Variants in TRAPPC8 observed in about 807,000 individuals in gnomAD.
TRAPPC8 encodes the protein trafficking protein particle complex subunit 8.
TRAPPC8 carries 54 observed loss-of-function variants against 174.3 expected under a neutral mutation model. The observed-to-expected ratio is 0.31, with a 90% CI of 0.25 to 0.39. The LOEUF (loss-of-function observed/expected upper bound fraction) is 0.39. TRAPPC8 is among the 10% of genes least tolerant of loss of function. The pLI, the probability that TRAPPC8 is intolerant of heterozygous loss-of-function variation, is 1.00. For missense variants in TRAPPC8, 1,531 were observed against 1,699.1 expected (o/e 0.90, Z 1.74); for synonymous variants, 630 against 579.9 (o/e 1.09, Z -1.24).
At chr18:31,849,395 T>G (rs1179487388) in intron 25 of TRAPPC8, among the ~76,000 whole-genome samples, 171 bp downstream of exon 25, 2 of 152,114 alleles carry the variant, frequency 1.3e-5, no homozygotes, top group African/African-American at 4.8e-5. Context: ...GTTATCTAAT[T>G]TGAATGAATT....
rs1568051725 is a variant in TRAPPC8, at chr18:31,857,563, A to G, written c.3165T>C (p.Ser1055=). 6.3e-7 allele frequency: 1 copy of G among 1,596,254 alleles called. No homozygotes were observed. Among genetic ancestry groups the G allele is most frequent in the East Asian group, 2.2e-5 (1 of 44,712 alleles). The change falls in exon 20 of 29, where the codon AGT becomes AGC. Residue 1055 remains serine, a synonymous_variant. Transcript: ENST00000283351. The part of the protein sequence containing the change: ...HEINFLFYYE[S]VKKQPKIRHR... ...ACCGTATTTTTGGCTGCTTTTTGAC[A>G]CTTTCATAGTAAAACAAAAAGTTAA...
chr18:31,933,668 AT>A (rs1943836886), intron 1 of TRAPPC8, among the ~76,000 whole-genome samples: 1 of 152,194 alleles, frequency 6.6e-6, no homozygotes, highest in African/African-American at 2.4e-5. Flanking sequence ...GTACCTACAA[AT>A]AAAGAATGAC....
chr18:31,892,804 G>A (rs1302749453), intron 11 of TRAPPC8, among the ~76,000 whole-genome samples: 1 of 151,952 alleles, frequency 6.6e-6, no homozygotes, highest in Non-Finnish European at 1.5e-5. Flanking sequence ...GTGGGGGATC[G>A]TTTTGAGCCA....
At chr18:31,899,628 G>GT (rs1489407979) in intron 10 of TRAPPC8, among the ~76,000 whole-genome samples, 2 of 152,124 alleles carry the variant, frequency 1.3e-5, no homozygotes, top group Admixed American at 1.3e-4. Context: ...TTACTACTAC[G>GT]TAAGTCTTCA....
At chr18:31,897,305 G>A (rs1320599851) in intron 11 of TRAPPC8, among the ~76,000 whole-genome samples, 1 of 151,978 alleles carries the variant, frequency 6.6e-6, no homozygotes, top group East Asian at 1.9e-4. Context: ...TCACAATATA[G>A]GTTTTTTAAA....
chr18:31,911,037 T>C (rs889293484), intron 5 of TRAPPC8, among the ~76,000 whole-genome samples: 3 of 152,188 alleles, frequency 2.0e-5, no homozygotes, highest in East Asian at 1.9e-4. Context: ...AATACCATGA[T>C]AGCACTACAT....
At chr18:31,847,517 T>G (rs534691128) in intron 25 of TRAPPC8, among the ~76,000 whole-genome samples, 1 of 152,322 alleles carries the variant, frequency 6.6e-6, no homozygotes, top group Non-Finnish European at 1.5e-5. Flanking sequence ...AAACATAAAA[T>G]TACTCAGTCA....
chr18:31,915,170 T>G (rs1360971003), intron 4 of TRAPPC8, among the ~76,000 whole-genome samples: 1 of 152,216 alleles, frequency 6.6e-6, no homozygotes, highest in Non-Finnish European at 1.5e-5. Context: ...TGGGTAAGCA[T>G]ATGAAATCTA....
intron 19 of TRAPPC8, among the ~76,000 whole-genome samples, chr18:31,862,325 A>G (rs1350537834): frequency 6.6e-6 from 1 of 151,260 alleles, no homozygotes; most frequent in African/African-American, 2.4e-5. Flanking sequence ...TATAAAAGGG[A>G]CTTGGCTTGC....
intron 1 of TRAPPC8, among the ~76,000 whole-genome samples, chr18:31,941,651 A>T (rs776432883): frequency 6.6e-6 from 1 of 152,192 alleles, no homozygotes; most frequent in African/African-American, 2.4e-5. Context: ...CCCAAAAAAC[A>T]TGGTAGCGCA....
At chr18:31,927,030 T>C (rs527672449) in intron 2 of TRAPPC8, among the ~76,000 whole-genome samples, 1 of 152,156 alleles carries the variant, frequency 6.6e-6, no homozygotes, top group African/African-American at 2.4e-5. Flanking sequence ...CAGAAATTGG[T>C]GGGGCAAGGT....
chr18:31,895,094 G>A (rs769827910), intron 11 of TRAPPC8, among the ~76,000 whole-genome samples: 9 of 152,164 alleles, frequency 5.9e-5, no homozygotes, highest in Non-Finnish European at 1.0e-4. Flanking sequence ...CAAAGTCAAA[G>A]CACAGCTCCT....
intron 18 of TRAPPC8, 130 bp downstream of exon 18, chr18:31,866,719 A>AC: frequency 1.0e-6 from 1 of 999,016 alleles, no homozygotes; most frequent in Non-Finnish European, 1.4e-6. Context: ...TGTCATTCTT[A>AC]CATCTGGCTA....
chr18:31,861,723 G>A (rs932971530), intron 19 of TRAPPC8, among the ~76,000 whole-genome samples: 4 of 152,008 alleles, frequency 2.6e-5, no homozygotes, highest in African/African-American at 9.7e-5. Context: ...GACTGCTTGA[G>A]CTTAGGAGTT....
At chr18:31,862,458 TTAATA>T (rs988386185) in intron 19 of TRAPPC8, among the ~76,000 whole-genome samples, 1 of 152,114 alleles carries the variant, frequency 6.6e-6, no homozygotes. Flanking sequence ...TTTCAGAATA[TTAATA>T]TAATAGAAAG....
chr18:31,848,564 T>C (rs2033534621), intron 25 of TRAPPC8, among the ~76,000 whole-genome samples: 1 of 152,206 alleles, frequency 6.6e-6, no homozygotes, highest in Non-Finnish European at 1.5e-5. Context: ...ATTTACTTAG[T>C]AGATTTCATT....
chr18:31,915,341 AT>A (rs1365314343), intron 4 of TRAPPC8, among the ~76,000 whole-genome samples: 1 of 151,726 alleles, frequency 6.6e-6, no homozygotes, highest in Non-Finnish European at 1.5e-5. Flanking sequence ...TGTGCCTGTA[AT>A]CCCAGCTACC....
rs760261428 is a variant in TRAPPC8, at chr18:31,942,593, G to A, written c.157+15C>T. ...CTTTGCGGGAGCCCACTGGAAAAGG[G>A]AGGATACCACATACCCTCGGAAGTG... On this transcript the variant is annotated intron_variant, in intron 1 of 28. Transcript: ENST00000283351. 4.9e-5 allele frequency: 77 copies of A among 1,566,872 alleles called. No individual in the cohort carries two copies. The East Asian group carries it at 1.0e-3, about 21-fold the overall frequency.
At chr18:31,893,115 T>C (rs747570601) in intron 11 of TRAPPC8, among the ~76,000 whole-genome samples, 19 of 152,164 alleles carry the variant, frequency 1.2e-4, no homozygotes, top group Non-Finnish European at 1.9e-4. Flanking sequence ...GATTTTGTAA[T>C]TTTCCTATGA....
Sources: allele counts gnomAD v4.1 joint callset (sites outside exome capture counted in the v4.1 genomes callset), GRCh38; gene constraint gnomAD v4.1.1; transcripts MANE v1.5; gene names NCBI Gene and HGNC (gene_info 2026-07-23, HGNC 2026-07-21).